Variants in AGAP1 observed in about 807,000 individuals in gnomAD.
AGAP1 encodes arf-GAP with GTPase, ANK repeat and PH domain-containing protein 1.
AGAP1 carries 29 observed loss-of-function variants against 105.3 expected under a neutral mutation model. The ratio of observed to expected loss-of-function variants is 0.28; its 90% CI spans 0.21 to 0.38. AGAP1 has a LOEUF of 0.38. Ranked by LOEUF, AGAP1 falls within the 10% of genes least tolerant of loss-of-function variation. The probability of loss-of-function intolerance (pLI) is 1.00; values close to 1 mark genes in which losing one functional copy is unlikely to be tolerated. For missense variants in AGAP1, 998 were observed against 1,165.1 expected (o/e 0.86, Z 2.09); for synonymous variants, 509 against 485.9 (o/e 1.05, Z -0.63).
Position 235,642,171 on chromosome 2 carries a change from C to T in AGAP1, c.164-67008C>T, listed in dbSNP as rs370784488. 7.9e-4 allele frequency among the ~76,000 whole-genome samples: 120 copies of T among 152,346 alleles called. No homozygotes were observed. The highest frequency in any genetic ancestry group is 2.2e-3 in the African/African-American group (92 of 41,578). The stretch of plus-strand genomic sequence containing the variant: ...GAGTGCGGCGCCTGCTCGACTTGGC[C>T]TTCTGGCACTGGGGATTCCTCTCCC... On this transcript the variant is annotated intron_variant, in intron 1 of 17. Coordinates refer to ENST00000304032, the MANE Select transcript of AGAP1 (RefSeq NM_001037131.3). The surrounding 1 kb of genome is among the most constrained non-coding windows in gnomAD (Gnocchi z 4.1).
At chr2:235,575,656 C>T (rs536541474) in intron 1 of AGAP1, among the ~76,000 whole-genome samples, 6 of 152,366 alleles carry the variant, frequency 3.9e-5, no homozygotes, top group South Asian at 4.1e-4. Context: ...GGGCTCTACT[C>T]CTGGAACCTG....
At chr2:235,850,199 C>T (rs1962028821) in intron 9 of AGAP1, among the ~76,000 whole-genome samples, 1 of 152,220 alleles carries the variant, frequency 6.6e-6, no homozygotes, top group South Asian at 2.1e-4. Flanking sequence ...GCAGTTGAGC[C>T]AAAGGAATGG....
chr2:235,698,573 G>A (rs976857824), intron 1 of AGAP1, among the ~76,000 whole-genome samples: 1 of 152,166 alleles, frequency 6.6e-6, no homozygotes, highest in Non-Finnish European at 1.5e-5. Context: ...GTGTTAAAAT[G>A]TTTTAAAGCA....
In AGAP1 at chr2:235,744,277, A is replaced by T. The variant is rs1002926542; in HGVS notation, c.397-421A>T. On this transcript the variant is annotated intron_variant, in intron 4 of 17. Transcript: ENST00000304032. This position sits in a 1 kb window ranked among gnomAD's most constrained non-coding sequence, Gnocchi z 5.2. ...CTGAGCAGGCATGAGGGGTCCAGCA[A>T]GGCTTCCTTAAGAGGTTGAGAGTAC... Among the ~76,000 whole-genome samples the T allele has an allele frequency of 6.6e-6, 1 of 152,128 alleles. No homozygotes were observed. The highest frequency in any genetic ancestry group is 2.4e-5 in the African/African-American group (1 of 41,428).
chr2:236,081,684 TG>T (rs1307119103), intron 16 of AGAP1, among the ~76,000 whole-genome samples: 454 of 150,876 alleles, frequency 3.0e-3, no homozygotes, highest in Non-Finnish European at 4.6e-3. Flanking sequence ...TTTTTTTTTT[TG>T]CAGGGCAATT....
rs548745360 is a variant in AGAP1, at chr2:236,041,957, G to A, written c.1891+1116G>A. 2.3e-3 allele frequency among the ~76,000 whole-genome samples: 348 copies of A among 152,322 alleles called. 1 individual carries two copies. Among genetic ancestry groups the A allele is most frequent in the Non-Finnish European group, 3.6e-3 (246 of 68,028 alleles). ...ACTGTGAGCAAAGGGAGTGGCTTGA[G>A]GAGAGCTTCTCTGGGTGGTTGTAGG... On this transcript the variant is annotated intron_variant, in intron 15 of 17. Coordinates refer to ENST00000304032, the MANE Select transcript of AGAP1 (RefSeq NM_001037131.3).
intron 6 of AGAP1, chr2:235,776,925 C>T (rs1167726264): frequency 2.1e-6 from 1 of 471,088 alleles, no homozygotes. Flanking sequence ...TGGAATCAGC[C>T]TCGGAGCAGG....
chr2:235,657,012 G>C lies in AGAP1; in HGVS notation c.164-52167G>C, dbSNP rs182220960. On this transcript the variant is annotated intron_variant, in intron 1 of 17. Coordinates refer to ENST00000304032, the MANE Select transcript of AGAP1 (RefSeq NM_001037131.3). ...AATCCAATTAATATTCCATTGAAAA[G>C]TGGAAACCAGAGTCTAGATAAGCTG... Among the ~76,000 whole-genome samples the C allele has an allele frequency of 4.6e-4, 70 of 152,322 alleles. 1 individual carries two copies. Among genetic ancestry groups the C allele is most frequent in the African/African-American group, 1.6e-3 (66 of 41,576 alleles).
At chr2:235,827,463 G>A (rs1290804242) in intron 9 of AGAP1, among the ~76,000 whole-genome samples, 1 of 152,148 alleles carries the variant, frequency 6.6e-6, no homozygotes, top group Non-Finnish European at 1.5e-5. Flanking sequence ...GCACTTTAAT[G>A]ACTATTTCTA....
intron 13 of AGAP1, among the ~76,000 whole-genome samples, chr2:236,034,520 C>G (rs572308121): frequency 6.6e-6 from 1 of 152,074 alleles, no homozygotes; most frequent in African/African-American, 2.4e-5. Context: ...AATTCCTGAG[C>G]AACCAGACCC....
chr2:235,672,766 G>C (rs1166233088), intron 1 of AGAP1, among the ~76,000 whole-genome samples: 2 of 152,232 alleles, frequency 1.3e-5, no homozygotes, highest in Non-Finnish European at 2.9e-5. Context: ...ATGATTTAGA[G>C]AGAATGCATT....
Position 235,596,784 on chromosome 2 carries a change from C to T in AGAP1, c.163+101935C>T, listed in dbSNP as rs961766286. Among the ~76,000 whole-genome samples, 3 of 152,138 alleles carry T rather than the reference C, an allele frequency of 2.0e-5. No homozygotes were observed. The highest frequency in any genetic ancestry group is 4.8e-5 in the African/African-American group (2 of 41,412). ...TGATGTTTCCCAAGGCCGGGGCTGT[C>T]GACTGAATTGTGTCCCTGCAACCCC... On this transcript the variant is annotated intron_variant, in intron 1 of 17. Transcript: ENST00000304032. This position sits in a 1 kb window ranked among gnomAD's most constrained non-coding sequence, Gnocchi z 5.9.
At chr2:235,954,296 G>A (rs2053858297) in intron 12 of AGAP1, among the ~76,000 whole-genome samples, 1 of 151,416 alleles carries the variant, frequency 6.6e-6, no homozygotes, top group Non-Finnish European at 1.5e-5. Context: ...ATCCACAGAA[G>A]CAATCATAGC....
chr2:235,521,455 T>C (rs1275786305), intron 1 of AGAP1, among the ~76,000 whole-genome samples: 1 of 152,252 alleles, frequency 6.6e-6, no homozygotes, highest in Non-Finnish European at 1.5e-5. Flanking sequence ...TGTCGTCTTC[T>C]CTTCACCTAT....
At chr2:235,859,793 TACAGTTC>T (rs1167360353) in intron 9 of AGAP1, among the ~76,000 whole-genome samples, 2 of 152,234 alleles carry the variant, frequency 1.3e-5, no homozygotes, top group Non-Finnish European at 2.9e-5. Flanking sequence ...CAGCACTGTG[TACAGTTC>T]AAAAGGCTCT....
In AGAP1 at chr2:236,053,293, G is replaced by T. The variant is rs2057960636; in HGVS notation, c.2114+4012G>T. 6.6e-6 allele frequency among the ~76,000 whole-genome samples: 1 copy of T among 152,224 alleles called. No homozygotes were observed. Among genetic ancestry groups the T allele is most frequent in the Non-Finnish European group, 1.5e-5 (1 of 68,050 alleles). ...TTGAACGAGTAAATGAGTGAAAGCG[G>T]GAACTCGTCATCATGGAACACATGT... On this transcript the variant is annotated intron_variant, in intron 16 of 17. Transcript: ENST00000304032. This position sits in a 1 kb window ranked among gnomAD's most constrained non-coding sequence, Gnocchi z 4.6.
chr2:235,682,800 G>A (rs1438309271), intron 1 of AGAP1, among the ~76,000 whole-genome samples: 1 of 150,988 alleles, frequency 6.6e-6, no homozygotes, highest in South Asian at 2.1e-4. Flanking sequence ...GTGCACACGT[G>A]TGTGTGTGTG....
intron 2 of AGAP1, 142 bp downstream of exon 2, chr2:235,709,379 G>A: frequency 1.0e-6 from 1 of 965,438 alleles, no homozygotes; most frequent in Non-Finnish European, 1.6e-6. Context: ...GAAGGGCCAG[G>A]TATAGTTGAT....
chr2:235,820,515 A>T (rs1958730468), intron 9 of AGAP1, among the ~76,000 whole-genome samples: 1 of 152,218 alleles, frequency 6.6e-6, no homozygotes, highest in South Asian at 2.1e-4. Flanking sequence ...AATTTTGTTT[A>T]TAAGGAATTC....
Sources: allele counts gnomAD v4.1 joint callset (sites outside exome capture counted in the v4.1 genomes callset), GRCh38; gene constraint gnomAD v4.1.1; non-coding constraint Gnocchi (gnomAD v3.1); transcripts MANE v1.5; gene names NCBI Gene and HGNC (gene_info 2026-07-23, HGNC 2026-07-21).